SLC35A3: variants seen among roughly 807,000 people sequenced by gnomAD.
SLC35A3 encodes the protein solute carrier family 35 member A3.
Under a neutral mutation model 39.0 loss-of-function variants are expected in SLC35A3, and 26 were observed. That is an observed-to-expected ratio of 0.67 (90% confidence interval 0.49 to 0.92). The LOEUF is 0.92. Ranked by LOEUF, SLC35A3 falls within the 40% of genes least tolerant of loss-of-function variation. The pLI is 0.00. For missense variants in SLC35A3, 299 were observed against 371.6 expected, an observed-to-expected ratio of 0.80 and a Z score of 1.61; for synonymous variants, 135 against 133.1, an observed-to-expected ratio of 1.01 and a Z score of -0.10.
intron 5 of SLC35A3, among the ~76,000 whole-genome samples, chr1:100,011,809 C>T (rs902450661): frequency 6.6e-6 from 1 of 151,522 alleles, no homozygotes; most frequent in Non-Finnish European, 1.5e-5. Flanking sequence ...AGCTCCGCCT[C>T]CCAGGTTCAC....
intron 1 of SLC35A3, chr1:99,975,165 T>A (rs1173087168): frequency 1.3e-5 from 2 of 152,188 alleles, no homozygotes; most frequent in East Asian, 3.9e-4. Context: ...GGTCTCAGAC[T>A]TCTGGGCTCA....
intron 7 of SLC35A3, among the ~76,000 whole-genome samples, chr1:100,019,049 A>G (rs1258002137): frequency 6.6e-6 from 1 of 152,150 alleles, no homozygotes; most frequent in African/African-American, 2.4e-5. Flanking sequence ...TAATTTTGTA[A>G]TCTTAATCAT....
At chr1:100,021,539 G>C (rs1660544836) in intron 7 of SLC35A3, among the ~76,000 whole-genome samples, 1 of 152,000 alleles carries the variant, frequency 6.6e-6, no homozygotes, top group Non-Finnish European at 1.5e-5. Context: ...CAGGTGTGGT[G>C]GTTTGCACCT....
chr1:100,004,789 C>A (rs1659089922), intron 3 of SLC35A3, among the ~76,000 whole-genome samples: 1 of 152,022 alleles, frequency 6.6e-6, no homozygotes, highest in African/African-American at 2.4e-5. Context: ...AGTGCAGTGG[C>A]TGTTCACAGG....
At chr1:99,993,297 G>A (rs570749645) in intron 1 of SLC35A3, among the ~76,000 whole-genome samples, 4 of 152,180 alleles carry the variant, frequency 2.6e-5, no homozygotes, top group South Asian at 4.1e-4. Flanking sequence ...AGAGTCTTCT[G>A]GTAGTTGCTT....
chr1:99,971,070 C>A (rs1052417317), intron 1 of SLC35A3, among the ~76,000 whole-genome samples: 1 of 152,156 alleles, frequency 6.6e-6, no homozygotes, highest in Non-Finnish European at 1.5e-5. Flanking sequence ...CTGGACTTGT[C>A]CTCAGCCTGG....
chr1:100,017,807 G>A lies in SLC35A3; in HGVS notation c.879G>A (p.Val293=). 6.4e-7 allele frequency: 1 copy of A among 1,557,478 alleles called. No individual in the cohort carries two copies. The highest frequency in any genetic ancestry group is 8.7e-7 in the Non-Finnish European group (1 of 1,155,866). ...CCTATTTTTGGCTTCAAGATTTTGTGCCAACCAGGTAAAATGTTCTTTTCT... is the reference window on the plus strand; with the variant it reads ...CCTATTTTTGGCTTCAAGATTTTGTACCAACCAGGTAAAATGTTCTTTTCT... ...LISYFWLQDF[V]PTSVFFLGAI... is the part of the protein sequence containing the mutation. The change falls in exon 7 of 8, where the codon GTG becomes GTA. Residue 293 remains valine, a synonymous_variant. Transcript: ENST00000533028.
At chr1:99,975,331 A>G (rs1483125522) in intron 1 of SLC35A3, among the ~76,000 whole-genome samples, 1 of 152,238 alleles carries the variant, frequency 6.6e-6, no homozygotes, top group African/African-American at 2.4e-5. Context: ...TATTTTATAA[A>G]TTCAACATAG....
At chr1:100,012,226 G>A (rs1435691701) in intron 5 of SLC35A3, among the ~76,000 whole-genome samples, 2 of 152,032 alleles carry the variant, frequency 1.3e-5, no homozygotes, top group African/African-American at 4.8e-5. Flanking sequence ...GGAGGTTGCA[G>A]TGAGCCAAGA....
chr1:99,998,196 T>C (rs1658537970), intron 2 of SLC35A3, among the ~76,000 whole-genome samples: 1 of 151,306 alleles, frequency 6.6e-6, no homozygotes, highest in African/African-American at 2.4e-5. Context: ...GTTCTTTTGC[T>C]CAGGCTGAAG....
rs1661005524 is a variant in SLC35A3, at chr1:100,027,940, CCT to C, written c.*5465_*5466del. 7.2e-6 allele frequency: 1 copy of C among 138,462 alleles called. No homozygotes were observed. Among genetic ancestry groups the C allele is most frequent in the Non-Finnish European group, 1.5e-5 (1 of 64,584 alleles). The allele number at this position is 138,462 out of a possible 1,614,324, so 8.6% of individuals were successfully genotyped here. A position where few individuals can be genotyped will look rare whatever the true frequency, so the allele number is the denominator to read the frequency against. On this transcript the variant is annotated 3_prime_UTR_variant, in exon 8 of 8. Transcript: ENST00000533028. ...AATCTGAATCTTATAGATAATACTA[CCT>C]TTTTTTTTTTTTTTTTTTTTTTTTT...
chr1:100,015,717 T>A (rs952003314), intron 6 of SLC35A3: 1 of 310,510 alleles, frequency 3.2e-6, no homozygotes, highest in Admixed American at 5.0e-5. Flanking sequence ...TTTACAAGTC[T>A]TATCATTGTA....
chr1:99,979,987 T>G (rs1362592778), intron 1 of SLC35A3, among the ~76,000 whole-genome samples: 1 of 151,344 alleles, frequency 6.6e-6, no homozygotes, highest in Non-Finnish European at 1.5e-5. Context: ...GAAGTTGCAG[T>G]GAGCCGAGAT....
intron 1 of SLC35A3, chr1:99,970,551 G>A (rs948749820): frequency 2.0e-6 from 3 of 1,535,910 alleles, no homozygotes; most frequent in Non-Finnish European, 1.7e-6. Context: ...GCTCTCGCTC[G>A]GTGTTGAGCC....
At chr1:100,020,618 C>T (rs1316217564) in intron 7 of SLC35A3, among the ~76,000 whole-genome samples, 1 of 152,094 alleles carries the variant, frequency 6.6e-6, no homozygotes, top group African/African-American at 2.4e-5. Flanking sequence ...TTACTGAGCT[C>T]CCTATATATG....
intron 4 of SLC35A3, chr1:100,007,700 C>CG (rs1340602775): frequency 6.6e-6 from 1 of 152,268 alleles, no homozygotes; most frequent in African/African-American, 2.4e-5. Flanking sequence ...TATAAAGTGA[C>CG]GGGGTCTCAC....
chr1:100,023,761 C>A lies in SLC35A3; in HGVS notation c.*1285C>A, dbSNP rs1474792465. ...CAGTGGCTCACGCCTGTAATCCTAGCAGTTTGGGAGGCTGAGGCAGGTGGA... is the reference window on the plus strand; with the variant it reads ...CAGTGGCTCACGCCTGTAATCCTAGAAGTTTGGGAGGCTGAGGCAGGTGGA... On this transcript the variant is annotated 3_prime_UTR_variant, in exon 8 of 8. Transcript: ENST00000533028. 3 of 152,280 alleles carry A rather than the reference C, an allele frequency of 2.0e-5. No individual in the cohort carries two copies. Among genetic ancestry groups the A allele is most frequent in the Non-Finnish European group, 4.4e-5 (3 of 68,124 alleles). 9.4% of individuals were successfully genotyped at this position (152,280 alleles called of 1,614,324 possible). A position where few individuals can be genotyped will look rare whatever the true frequency, so the allele number is the denominator to read the frequency against.
intron 3 of SLC35A3, among the ~76,000 whole-genome samples, chr1:99,999,631 G>A (rs1658629840): frequency 6.6e-6 from 1 of 151,950 alleles, no homozygotes. Flanking sequence ...GAAATTTTGA[G>A]TAAATTATTG....
intron 1 of SLC35A3, among the ~76,000 whole-genome samples, chr1:99,973,800 A>T (rs1436936215): frequency 6.6e-6 from 1 of 152,200 alleles, no homozygotes; most frequent in Non-Finnish European, 1.5e-5. Flanking sequence ...GCGGATCACG[A>T]GGTCAGGAGT....
Sources: allele counts gnomAD v4.1 joint callset (sites outside exome capture counted in the v4.1 genomes callset), GRCh38; gene constraint gnomAD v4.1.1; transcripts MANE v1.5; gene names NCBI Gene and HGNC (gene_info 2026-07-23, HGNC 2026-07-21).